RSPH3: variants seen among roughly 807,000 people sequenced by gnomAD.
RSPH3 encodes the protein radial spoke head protein 3 homolog.
RSPH3 carries 21 observed loss-of-function variants against 43.8 expected under a neutral mutation model. That is an observed-to-expected ratio of 0.48 (90% confidence interval 0.34 to 0.69). The LOEUF (loss-of-function observed/expected upper bound fraction) is 0.69. Among genes scored for constraint, RSPH3 ranks in the 30% least tolerant of loss-of-function variants. RSPH3 has a pLI of 0.01. For synonymous variants in RSPH3, 173 were observed against 179.8 expected, an observed-to-expected ratio of 0.96 and a Z score of 0.30; for missense variants, 487 against 516.0, an observed-to-expected ratio of 0.94 and a Z score of 0.54.
At chr6:158,968,148 C>A (rs899254832), downstream of RSPH3, among the ~76,000 whole-genome samples, 2 of 152,024 alleles carry the variant, frequency 1.3e-5, no homozygotes, top group African/African-American at 4.8e-5. Flanking sequence ...ATTTTTTGTA[C>A]CTTTATTCCT....
At chr6:158,980,305 G>A (rs1458350526) in intron 6 of RSPH3, among the ~76,000 whole-genome samples, 2 of 152,098 alleles carry the variant, frequency 1.3e-5, no homozygotes, top group African/African-American at 4.8e-5. Context: ...GCAGGTGCCT[G>A]TAATCTCAGC....
At chr6:158,983,475 C>T (rs765831401) in intron 4 of RSPH3, among the ~76,000 whole-genome samples, 187 bp downstream of exon 4, 1 of 151,976 alleles carries the variant, frequency 6.6e-6, no homozygotes, top group Non-Finnish European at 1.5e-5. Flanking sequence ...GCAAAGAAAT[C>T]GGAACATGGT....
intron 3 of RSPH3, among the ~76,000 whole-genome samples, chr6:158,984,459 TATATATATATATATA>T (rs1302258087): frequency 9.0e-5 from 12 of 133,822 alleles, no homozygotes; most frequent in African/African-American, 3.4e-4. Context: ...TATATATATA[TATATATATATATATA>T]TTTGAGTCCT....
downstream of RSPH3, among the ~76,000 whole-genome samples, chr6:158,968,292 T>C (rs868160210): frequency 2.6e-5 from 4 of 152,158 alleles, no homozygotes; most frequent in African/African-American, 7.2e-5. Context: ...TGGAGTGCAG[T>C]GGCATGACTT....
chr6:159,000,068 C>T lies in RSPH3; in HGVS notation c.-518G>A. The T allele has an allele frequency of 1.5e-6, 2 of 1,302,050 alleles. No homozygotes were observed. The highest frequency in any genetic ancestry group is 1.5e-5 in the South Asian group (1 of 66,156). 80.7% of individuals were successfully genotyped at this position (1,302,050 alleles called of 1,614,324 possible). ...GGTGTTGGCGCCATTCTCGCAGGCC[C>T]ACGTGCTCCTGCTCTTCCAGGGTGT... On this transcript the variant is annotated 5_prime_UTR_variant, in exon 1 of 8. Transcript: ENST00000367069.
intron 4 of RSPH3, among the ~76,000 whole-genome samples, 180 bp downstream of exon 4, chr6:158,983,482 T>C (rs930589894): frequency 2.0e-5 from 3 of 152,200 alleles, no homozygotes; most frequent in Non-Finnish European, 2.9e-5. Context: ...AATCGGAACA[T>C]GGTATGTTAA....
chr6:158,986,967 A>C (rs1369100277), intron 2 of RSPH3, among the ~76,000 whole-genome samples: 1 of 152,264 alleles, frequency 6.6e-6, no homozygotes, highest in Admixed American at 6.5e-5. Context: ...TATAAATATC[A>C]GTTAGTCCTA....
At chr6:158,985,998 G>C (rs1194631852) in intron 3 of RSPH3, among the ~76,000 whole-genome samples, 1 of 151,770 alleles carries the variant, frequency 6.6e-6, no homozygotes, top group Non-Finnish European at 1.5e-5. Flanking sequence ...ATTTTTAGTA[G>C]AGATGGGGTA....
At position 158,985,883 on chromosome 6, in the gene RSPH3, G is replaced by A. The variant is rs182216145; in HGVS notation, c.346+397C>T. Among the ~76,000 whole-genome samples, 381 of 147,294 alleles carry A rather than the reference G, an allele frequency of 2.6e-3. 1 individual carries two copies. The highest frequency in any genetic ancestry group is 3.6e-3 in the Middle Eastern group (1 of 280). The stretch of plus-strand genomic sequence containing the variant: ...GGCTGGAGTGCAATGGTGCGATCTC[G>A]GCTTACTGCAACCTCCGCCTCCCGG... On this transcript the variant is annotated intron_variant, in intron 3 of 7. Coordinates refer to ENST00000367069, the MANE Select transcript of RSPH3 (RefSeq NM_031924.8).
At chr6:158,971,933 T>C (rs759073562), downstream of RSPH3, among the ~76,000 whole-genome samples, 1 of 151,990 alleles carries the variant, frequency 6.6e-6, no homozygotes, top group Non-Finnish European at 1.5e-5. Context: ...GTAACCAGGA[T>C]GGTGAGTGGG....
Position 158,999,906 on chromosome 6 carries a change from C to A in RSPH3, c.-356G>T, listed in dbSNP as rs143832203. The A allele has an allele frequency of 3.7e-6, 6 of 1,612,882 alleles. No homozygotes were observed. The African/African-American group carries it at 5.3e-5, about 14-fold the overall frequency. On this transcript the variant is annotated 5_prime_UTR_variant, in exon 1 of 8. Transcript: ENST00000367069. ...CTCTTGACTCCGCCCAGCCGCGCCA[C>A]CCAGGTAGGTGCGCCTGCGCTTTGC...
intron 2 of RSPH3, among the ~76,000 whole-genome samples, chr6:158,992,319 A>G (rs987700754): frequency 1.1e-4 from 16 of 152,166 alleles, no homozygotes; most frequent in Admixed American, 3.3e-4. Context: ...TCCCTCTGTC[A>G]CCCAGGCTGG....
At position 158,973,918 on chromosome 6, in the gene RSPH3, T is replaced by C. The variant is rs1777757331; in HGVS notation, c.*3620A>G. 1 of 152,192 alleles carries C rather than the reference T, an allele frequency of 6.6e-6. No individual in the cohort carries two copies. Among genetic ancestry groups the C allele is most frequent in the African/African-American group, 2.4e-5 (1 of 41,544 alleles). The allele number at this position is 152,192 out of a possible 1,614,324, so 9.4% of individuals were successfully genotyped here. ...ACCTCCTGGGTTCAAGTGATTCTTA[T>C]GCCTCAGTCTCCCGAGTAGCTGGGA... On this transcript the variant is annotated 3_prime_UTR_variant, in exon 8 of 8. Coordinates refer to ENST00000367069, the MANE Select transcript of RSPH3 (RefSeq NM_031924.8).
At position 158,999,733 on chromosome 6, in the gene RSPH3, T is replaced by A. The variant is rs750079419; in HGVS notation, c.-183A>T. On this transcript the variant is annotated 5_prime_UTR_variant, in exon 1 of 8. Transcript: ENST00000367069. The stretch of plus-strand genomic sequence containing the variant: ...TTACCAGCGCAGGAGGTGGGAGCTA[T>A]ACTGGGCTCGCTCCCAGCACCACAG... The A allele has an allele frequency of 1.9e-6, 3 of 1,612,488 alleles. No individual in the cohort carries two copies. The highest frequency in any genetic ancestry group is 2.5e-6 in the Non-Finnish European group (3 of 1,179,006).
At position 158,982,633 on chromosome 6, in the gene RSPH3, G is replaced by A. The variant is rs201137146; in HGVS notation, c.548C>T (p.Thr183Ile). The A allele has an allele frequency of 9.7e-5, 156 of 1,613,614 alleles. No homozygotes were observed. In the East Asian group the frequency reaches 3.4e-3, roughly 35 times the overall value. The change falls in exon 5 of 8, where the codon ACA becomes ATA. Residue 183 changes from threonine to isoleucine, a missense_variant. Physicochemically the swap from Thr to Ile is moderately conservative, Grantham distance 89 (BLOSUM62 -1). Coordinates refer to ENST00000367069, the MANE Select transcript of RSPH3 (RefSeq NM_031924.8). ...TACTTCCAGAAGAGACTGCTCAATT[G>A]TCTTCCCCACCAAAACTTCTAACAC... ...KPVLEVLVGK[T>I]IEQSLLEVME... is the part of the protein sequence containing the mutation.
At chr6:158,963,548 CCTT>C in the RSPH3 span, among the ~76,000 whole-genome samples, 1 of 149,586 alleles carries the variant, frequency 6.7e-6, no homozygotes, top group Non-Finnish European at 1.5e-5. Flanking sequence ...TCCCTCCCTC[CCTT>C]CTTTCTTTTC....
intron 1 of RSPH3, among the ~76,000 whole-genome samples, chr6:158,996,946 C>T (rs568523965): frequency 9.2e-5 from 14 of 152,212 alleles, no homozygotes; most frequent in Middle Eastern, 6.8e-3. Flanking sequence ...CACCAGTTCT[C>T]GCAGTAGTGA....
chr6:158,965,057 C>A, the RSPH3 span, among the ~76,000 whole-genome samples: 1 of 152,164 alleles, frequency 6.6e-6, no homozygotes, highest in East Asian at 1.9e-4. Context: ...TTGAAAAGAT[C>A]ATTCTTCCCT....
In RSPH3 at chr6:158,986,289, C is replaced by T. The variant is rs528579040; in HGVS notation, c.337G>A (p.Val113Met). 1 of 1,613,804 alleles carries T rather than the reference C, an allele frequency of 6.2e-7. No individual in the cohort carries two copies. Among genetic ancestry groups the T allele is most frequent in the East Asian group, 2.2e-5 (1 of 44,880 alleles). ...EPVEGRKHVD[V>M]QTELYLEEIA... ...GGGCACAGTCACACACCTGTTTGCA[C>T]ATCGACATGCTTTCTGCCTTCCACA... Residue 113 changes from valine (V) to methionine (M), a missense_variant, in exon 3 of 8, where the codon GTG (valine) becomes ATG (methionine). By Grantham distance (21) the Val-to-Met change is conservative. Coordinates refer to ENST00000367069, the MANE Select transcript of RSPH3 (RefSeq NM_031924.8).
Sources: allele counts gnomAD v4.1 joint callset (sites outside exome capture counted in the v4.1 genomes callset), GRCh38; gene constraint gnomAD v4.1.1; transcripts MANE v1.5; gene names NCBI Gene and HGNC (gene_info 2026-07-23, HGNC 2026-07-21).